Variants in CLOCK observed in about 807,000 individuals in gnomAD.
CLOCK encodes clock circadian regulator.
CLOCK carries 43 observed loss-of-function variants against 118.4 expected under a neutral mutation model. That is an observed-to-expected ratio of 0.36 (90% CI 0.28 to 0.47). The LOEUF (loss-of-function observed/expected upper bound fraction) is 0.47, where lower values mean the gene tolerates loss of function less well. Ranked by LOEUF, CLOCK falls within the 20% of genes least tolerant of loss-of-function variation. The pLI is 1.00. For synonymous variants in CLOCK, 326 were observed against 339.2 expected (o/e 0.96, Z 0.43); for missense variants, 846 against 999.9 (o/e 0.85, Z 2.08).
Position 55,434,579 on chromosome 4 carries a change from A to G in CLOCK, c.*836T>C, listed in dbSNP as rs1722737836. 7.2e-6 allele frequency: 1 copy of G among 139,522 alleles called. No homozygotes were observed. Among genetic ancestry groups the G allele is most frequent in the African/African-American group, 2.5e-5 (1 of 40,268 alleles). The allele number at this position is 139,522 out of a possible 1,614,324, so 8.6% of individuals were successfully genotyped here. A position where few individuals can be genotyped will look rare whatever the true frequency, so the allele number is the denominator to read the frequency against. On this transcript the variant is annotated 3_prime_UTR_variant, in exon 23 of 23. Coordinates refer to ENST00000513440, the MANE Select transcript of CLOCK (RefSeq NM_004898.4). The stretch of plus-strand genomic sequence containing the variant: ...AATAACTTGAAAATCCTGTTGTATC[A>G]ATAATTTAACCTGAAAAAAAAAATC...
intron 1 of CLOCK, 146 bp downstream of exon 1, chr4:55,546,636 C>G (rs1313517759): frequency 7.5e-6 from 1 of 132,514 alleles, no homozygotes; most frequent in Non-Finnish European, 1.6e-5. Flanking sequence ...CACCCACCCC[C>G]CCAAAAATTC....
intron 4 of CLOCK, among the ~76,000 whole-genome samples, chr4:55,482,504 A>G (rs1013350366): frequency 2.0e-5 from 3 of 152,194 alleles, no homozygotes; most frequent in Admixed American, 2.0e-4. Flanking sequence ...ACTAAAAATT[A>G]CAAGTCAGGA....
chr4:55,535,711 A>T lies in CLOCK; in HGVS notation c.-290+11071T>A, dbSNP rs558108214. 2.0e-5 allele frequency among the ~76,000 whole-genome samples: 3 copies of T among 151,470 alleles called. No individual in the cohort carries two copies. The East Asian group carries it at 5.8e-4, about 29-fold the overall frequency. On this transcript the variant is annotated intron_variant, in intron 1 of 22. Transcript: ENST00000513440. Reference sequence around the variant, plus strand: ...AGGAGCTGTGGAAGCATGGGAAAGAAGGTCTAAAATTCCAGTGATGGGAGA... The same window carrying T: ...AGGAGCTGTGGAAGCATGGGAAAGATGGTCTAAAATTCCAGTGATGGGAGA...
chr4:55,530,142 C>CCTCA (rs750864759), intron 1 of CLOCK, among the ~76,000 whole-genome samples: 2 of 152,168 alleles, frequency 1.3e-5, no homozygotes, highest in East Asian at 1.9e-4. Context: ...CCTACTGAGT[C>CCTCA]CAGCAAAGAA....
chr4:55,498,297 C>T (rs747813420), intron 2 of CLOCK, among the ~76,000 whole-genome samples: 20 of 152,178 alleles, frequency 1.3e-4, no homozygotes, highest in Admixed American at 5.9e-4. Context: ...TATTAAAACT[C>T]GGGTAAACTG....
At position 55,515,477 on chromosome 4, in the gene CLOCK, C is replaced by G. The variant is rs142346947; in HGVS notation, c.-289-5412G>C. Among the ~76,000 whole-genome samples, 345 of 152,244 alleles carry G rather than the reference C, an allele frequency of 2.3e-3. 1 individual carries two copies. Among genetic ancestry groups the G allele is most frequent in the African/African-American group, 8.0e-3 (331 of 41,554 alleles). On this transcript the variant is annotated intron_variant, in intron 1 of 22. Coordinates refer to ENST00000513440, the MANE Select transcript of CLOCK (RefSeq NM_004898.4). ...GCAGCCTCCGCCTCCCGGGTTCAAG[C>G]GATTCTCCTGCCTCAGCCTCCCAAT...
chr4:55,543,198 T>C (rs994120118), intron 1 of CLOCK, among the ~76,000 whole-genome samples: 1 of 152,190 alleles, frequency 6.6e-6, no homozygotes, highest in African/African-American at 2.4e-5. Flanking sequence ...GTGAATTAAA[T>C]CTATACCAGA....
intron 1 of CLOCK, chr4:55,545,455 T>C (rs1218694108): frequency 6.6e-6 from 1 of 152,244 alleles, no homozygotes; most frequent in Non-Finnish European, 1.5e-5. Context: ...GAAATTACCT[T>C]TGATTTGGGG....
chr4:55,495,915 G>A (rs756377922), intron 2 of CLOCK, among the ~76,000 whole-genome samples: 2 of 152,056 alleles, frequency 1.3e-5, no homozygotes, highest in African/African-American at 2.4e-5. Flanking sequence ...ACTGCTGGGC[G>A]CAGTGGCTCA....
chr4:55,541,810 CTA>C (rs1389975493), intron 1 of CLOCK, among the ~76,000 whole-genome samples: 1 of 150,606 alleles, frequency 6.6e-6, no homozygotes, highest in Non-Finnish European at 1.5e-5. Flanking sequence ...ACTGAAATAG[CTA>C]TCAGTCTCAC....
At position 55,431,332 on chromosome 4, in the gene CLOCK, G is replaced by A. The variant is rs191647866; in HGVS notation, c.*4083C>T. 1.3e-5 allele frequency: 2 copies of A among 152,144 alleles called. No individual in the cohort carries two copies. The highest frequency in any genetic ancestry group is 2.4e-5 in the African/African-American group (1 of 41,494). 9.4% of individuals were successfully genotyped at this position (152,144 alleles called of 1,614,324 possible). On this transcript the variant is annotated 3_prime_UTR_variant, in exon 23 of 23. Coordinates refer to ENST00000513440, the MANE Select transcript of CLOCK (RefSeq NM_004898.4). ...GGGGAAGTAAATTAGAAAAGTGGGA[G>A]GCATGTAGAGGGTTCCTATTATAGT...
intron 2 of CLOCK, among the ~76,000 whole-genome samples, chr4:55,498,988 C>T (rs534842107): frequency 3.0e-4 from 46 of 152,300 alleles, no homozygotes; most frequent in African/African-American, 1.0e-3. Context: ...CCATGCAGTA[C>T]ATCTGTATTT....
chr4:55,544,002 T>A (rs951534581), intron 1 of CLOCK, among the ~76,000 whole-genome samples: 8 of 152,160 alleles, frequency 5.3e-5, no homozygotes, highest in African/African-American at 1.9e-4. Context: ...TATTCACTAC[T>A]TTCATTACAC....
chr4:55,525,661 G>C (rs906942382), intron 1 of CLOCK, among the ~76,000 whole-genome samples: 2 of 151,846 alleles, frequency 1.3e-5, no homozygotes, highest in South Asian at 2.1e-4. Context: ...GTAGACACGG[G>C]GTTTCACCAT....
At chr4:55,545,389 T>C (rs1437613100) in intron 1 of CLOCK, 2 of 152,226 alleles carry the variant, frequency 1.3e-5, no homozygotes, top group Non-Finnish European at 2.9e-5. Context: ...GAGGGGAATA[T>C]TGCACAATTT....
chr4:55,516,105 T>C (rs1180475662), intron 1 of CLOCK, among the ~76,000 whole-genome samples: 3 of 152,172 alleles, frequency 2.0e-5, no homozygotes, highest in African/African-American at 7.2e-5. Context: ...GTTAAGGTGT[T>C]TTATGGCCCA....
chr4:55,522,052 T>A (rs1639039246), intron 1 of CLOCK, among the ~76,000 whole-genome samples: 1 of 152,148 alleles, frequency 6.6e-6, no homozygotes, highest in Non-Finnish European at 1.5e-5. Flanking sequence ...CCATTAATGG[T>A]AGAGACAACA....
intron 1 of CLOCK, among the ~76,000 whole-genome samples, chr4:55,510,987 G>A (rs1284090753): frequency 6.6e-6 from 1 of 152,182 alleles, no homozygotes; most frequent in Non-Finnish European, 1.5e-5. Context: ...TAGCCATTCT[G>A]AAATTCTAAG....
Position 55,475,907 on chromosome 4 carries a change from C to T in CLOCK, c.348+56G>A, listed in dbSNP as rs1726479229. ...AAGGTACACCTGGATATTAAGTCACCCTGTGATTTCTTTTTTGAGGAAAAT... is the reference window on the plus strand; with the variant it reads ...AAGGTACACCTGGATATTAAGTCACTCTGTGATTTCTTTTTTGAGGAAAAT... On this transcript the variant is annotated intron_variant, in intron 7 of 22. Coordinates refer to ENST00000513440, the MANE Select transcript of CLOCK (RefSeq NM_004898.4). The T allele has an allele frequency of 6.6e-6, 8 of 1,214,212 alleles. No homozygotes were observed. The South Asian group carries it at 8.6e-5, about 13-fold the overall frequency. The allele number at this position is 1,214,212 out of a possible 1,614,324, so 75.2% of individuals were successfully genotyped here. A position where few individuals can be genotyped will look rare whatever the true frequency, so the allele number is the denominator to read the frequency against.
Sources: allele counts gnomAD v4.1 joint callset (sites outside exome capture counted in the v4.1 genomes callset), GRCh38; gene constraint gnomAD v4.1.1; transcripts MANE v1.5; gene names NCBI Gene and HGNC (gene_info 2026-07-23, HGNC 2026-07-21).